The following TIGAR variants were observed in gnomAD, a reference collection of about 807,000 sequenced individuals.
TIGAR encodes fructose-2,6-bisphosphatase TIGAR.
Under a neutral mutation model 17.9 loss-of-function variants are expected in TIGAR, and 7 were observed. The observed-to-expected ratio is 0.39, with a 90% CI of 0.22 to 0.73. TIGAR has a LOEUF of 0.73. Among genes scored for constraint, TIGAR ranks in the 30% least tolerant of loss-of-function variants. The pLI, the probability that TIGAR is intolerant of heterozygous loss-of-function variation, is 0.42. For missense variants in TIGAR, 258 were observed against 327.4 expected (o/e 0.79, Z 1.64); for synonymous variants, 94 against 108.6 (o/e 0.87, Z 0.84).
At chr12:4,341,158 A>C (rs1447390396) in intron 3 of TIGAR, among the ~76,000 whole-genome samples, 1 of 152,202 alleles carries the variant, frequency 6.6e-6, no homozygotes, top group Non-Finnish European at 1.5e-5. Context: ...GGGATTAATA[A>C]CCAGAGTATA....
chr12:4,321,262 C>T lies in TIGAR; in HGVS notation c.-10C>T, dbSNP rs777060512. The T allele has an allele frequency of 1.2e-6, 2 of 1,600,880 alleles. No homozygotes were observed. Among genetic ancestry groups the T allele is most frequent in the African/African-American group, 1.3e-5 (1 of 74,946 alleles). On this transcript the variant is annotated 5_prime_UTR_variant, in exon 1 of 6. Transcript: ENST00000179259. The surrounding 1 kb of genome is among the most constrained non-coding windows in gnomAD (Gnocchi z 5.2). Reference sequence around the variant, plus strand: ...GCGCGGGGCCACCGACGGGACGCGGCTCCGGGAACATGGCTCGCTTCGCTC... The same window carrying T: ...GCGCGGGGCCACCGACGGGACGCGGTTCCGGGAACATGGCTCGCTTCGCTC...
intron 3 of TIGAR, among the ~76,000 whole-genome samples, chr12:4,345,485 C>T (rs1864769744): frequency 6.6e-6 from 1 of 152,134 alleles, no homozygotes; most frequent in South Asian, 2.1e-4. Flanking sequence ...CTTTGACAAA[C>T]CTGACAAAAA....
At chr12:4,346,487 C>A (rs1009766807) in intron 3 of TIGAR, among the ~76,000 whole-genome samples, 1 of 152,110 alleles carries the variant, frequency 6.6e-6, no homozygotes, top group African/African-American at 2.4e-5. Context: ...CCATCATTCT[C>A]AGCAAACCAT....
intron 3 of TIGAR, among the ~76,000 whole-genome samples, chr12:4,337,538 C>T (rs1864673379): frequency 2.6e-5 from 4 of 152,190 alleles, no homozygotes; most frequent in African/African-American, 9.7e-5. Context: ...AATCTGCTAC[C>T]AGAGTCTGTA....
At position 4,341,282 on chromosome 12, in the gene TIGAR, G is replaced by A. The variant is rs866406491; in HGVS notation, c.192+4122G>A. ...ACATACAAATGACAAAGAGAGGGGG[G>A]GCGGTTCCAAGATGGCCGATTAGGA... is the stretch of plus-strand genomic sequence containing the variant. On this transcript the variant is annotated intron_variant, in intron 3 of 5. Coordinates refer to ENST00000179259, the MANE Select transcript of TIGAR (RefSeq NM_020375.3). 4.0e-4 allele frequency among the ~76,000 whole-genome samples: 61 copies of A among 151,918 alleles called. 1 individual carries two copies. The highest frequency in any genetic ancestry group is 1.4e-3 in the African/African-American group (59 of 41,472).
chr12:4,333,767 T>C (rs1004737865), intron 2 of TIGAR, among the ~76,000 whole-genome samples: 6 of 152,018 alleles, frequency 3.9e-5, no homozygotes, highest in African/African-American at 9.7e-5. Flanking sequence ...CCTGGCCTAA[T>C]TTTTGTATTT....
intron 4 of TIGAR, among the ~76,000 whole-genome samples, chr12:4,350,794 A>G (rs112198397): frequency 0.018 from 2,724 of 151,990 alleles, 70 homozygotes; most frequent in African/African-American, 0.062. Context: ...AAAAAAAGAA[A>G]AAAAAAGAAA....
rs1864951474 is a variant in TIGAR at position 4,359,415 on chromosome 12, C to T, written c.*6724C>T. Reference sequence around the variant, plus strand: ...CTCCAGACTCATTCTTCCCGAGCCCCAGCCCCAGAATCAGCTTTTTCTCTA... The same window carrying T: ...CTCCAGACTCATTCTTCCCGAGCCCTAGCCCCAGAATCAGCTTTTTCTCTA... On this transcript the variant is annotated 3_prime_UTR_variant, in exon 6 of 6. Transcript: ENST00000179259. 6.6e-6 allele frequency among the ~76,000 whole-genome samples: 1 copy of T among 152,086 alleles called. No individual in the cohort carries two copies. The highest frequency in any genetic ancestry group is 2.1e-4 in the South Asian group (1 of 4,830).
At chr12:4,346,368 A>G (rs1363387324) in intron 3 of TIGAR, among the ~76,000 whole-genome samples, 1 of 152,228 alleles carries the variant, frequency 6.6e-6, no homozygotes. Context: ...ATGTCCAATA[A>G]TGATAGACTG....
chr12:4,349,797 A>T, intron 3 of TIGAR, 22 bp from the exon 4 acceptor site: 1 of 1,543,476 alleles, frequency 6.5e-7, no homozygotes. Flanking sequence ...ATAAAGAAAG[A>T]AACAATTGTC....
At chr12:4,347,641 T>C (rs752048239) in intron 3 of TIGAR, among the ~76,000 whole-genome samples, 18 of 152,118 alleles carry the variant, frequency 1.2e-4, no homozygotes, top group Non-Finnish European at 2.5e-4. Context: ...CATGGCTGTA[T>C]CAAAGTGTCT....
At chr12:4,331,213 A>AT in intron 1 of TIGAR, 67 bp from the exon 2 acceptor site, 14 of 1,420,864 alleles carry the variant, frequency 9.9e-6, no homozygotes, top group Non-Finnish European at 1.4e-5. Flanking sequence ...TTGATTGCTC[A>AT]TTTTTTTCCT....
rs554455941 is a variant in TIGAR at position 4,353,276 on chromosome 12, G to A, written c.*585G>A. ...ACAGATTATGATTGCAGAATGGTCTGGGGGAAGAAGTTAAAACATTTGATT... is the reference window on the plus strand; with the variant it reads ...ACAGATTATGATTGCAGAATGGTCTAGGGGAAGAAGTTAAAACATTTGATT... On this transcript the variant is annotated 3_prime_UTR_variant, in exon 6 of 6. Coordinates refer to ENST00000179259, the MANE Select transcript of TIGAR (RefSeq NM_020375.3). 6.6e-6 allele frequency: 1 copy of A among 152,334 alleles called. No individual in the cohort carries two copies. The highest frequency in any genetic ancestry group is 6.5e-5 in the Admixed American group (1 of 15,298). 9.4% of individuals were successfully genotyped at this position (152,334 alleles called of 1,614,324 possible). A position where few individuals can be genotyped will look rare whatever the true frequency, so the allele number is the denominator to read the frequency against.
At chr12:4,339,991 C>A (rs1864702313) in intron 3 of TIGAR, among the ~76,000 whole-genome samples, 2 of 152,174 alleles carry the variant, frequency 1.3e-5, no homozygotes, top group South Asian at 4.1e-4. Context: ...GAAAGCCTTT[C>A]CTCTAAGATC....
At chr12:4,341,371 A>T (rs1224944642) in intron 3 of TIGAR, among the ~76,000 whole-genome samples, 2 of 152,020 alleles carry the variant, frequency 1.3e-5, no homozygotes, top group Non-Finnish European at 2.9e-5. Context: ...TGCATTTCCA[A>T]CTGAGCTTTG....
chr12:4,324,255 G>A (rs1189013449), intron 1 of TIGAR: 1 of 622,018 alleles, frequency 1.6e-6, no homozygotes. Context: ...CACTACTGAA[G>A]GGTCTGGTTC....
Position 4,359,471 on chromosome 12 carries a change from A to G in TIGAR, c.*6780A>G, listed in dbSNP as rs1674427646. On this transcript the variant is annotated 3_prime_UTR_variant, in exon 6 of 6. Coordinates refer to ENST00000179259, the MANE Select transcript of TIGAR (RefSeq NM_020375.3). ...CCCTGGTTCTTTGGAAATGAAATGA[A>G]AGACGCCTGGTGTGCATGGTATTTA... 6.6e-6 allele frequency among the ~76,000 whole-genome samples: 1 copy of G among 152,012 alleles called. No homozygotes were observed.
intron 3 of TIGAR, among the ~76,000 whole-genome samples, chr12:4,339,257 G>A (rs1037498309): frequency 1.3e-5 from 2 of 152,030 alleles, no homozygotes; most frequent in Admixed American, 6.6e-5. Flanking sequence ...GGAGCATTAA[G>A]GGCTACTATC....
intron 1 of TIGAR, chr12:4,324,897 C>T (rs1591658351): frequency 1.1e-5 from 4 of 370,720 alleles, no homozygotes; most frequent in East Asian, 4.6e-5. Context: ...ATTTAATATA[C>T]TTTTAATGAT....
Sources: allele counts gnomAD v4.1 joint callset (sites outside exome capture counted in the v4.1 genomes callset), GRCh38; gene constraint gnomAD v4.1.1; non-coding constraint Gnocchi (gnomAD v3.1); transcripts MANE v1.5; gene names NCBI Gene and HGNC (gene_info 2026-07-23, HGNC 2026-07-21).